Variants in ARHGEF28 observed in about 807,000 individuals in gnomAD.
ARHGEF28 encodes the protein 190 kDa guanine nucleotide exchange factor.
Under a neutral mutation model 206.6 loss-of-function variants are expected in ARHGEF28, and 152 were observed. That is an observed-to-expected ratio of 0.74 (90% CI 0.64 to 0.84). ARHGEF28 has a LOEUF of 0.84. ARHGEF28 is among the 40% of genes least tolerant of loss of function. ARHGEF28 has a pLI of 0.00. For synonymous variants in ARHGEF28, 763 were observed against 776.4 expected, an observed-to-expected ratio of 0.98 and a Z score of 0.29; for missense variants, 2,028 against 2,073.2, an observed-to-expected ratio of 0.98 and a Z score of 0.42.
intron 22 of ARHGEF28, among the ~76,000 whole-genome samples, chr5:73,880,498 A>G (rs568654815): frequency 9.5e-4 from 145 of 152,346 alleles, no homozygotes; most frequent in Middle Eastern, 6.8e-3. Flanking sequence ...ATGGAAATGC[A>G]GAAATCACCC....
chr5:73,839,141 C>T (rs762741434), intron 10 of ARHGEF28, among the ~76,000 whole-genome samples: 1 of 152,142 alleles, frequency 6.6e-6, no homozygotes, highest in Non-Finnish European at 1.5e-5. Flanking sequence ...GGGTGCTTCT[C>T]AGTGAGTTGT....
chr5:73,633,289 C>G (rs1045860418), intron 1 of ARHGEF28, among the ~76,000 whole-genome samples: 2 of 152,168 alleles, frequency 1.3e-5, no homozygotes, highest in Admixed American at 6.5e-5. Flanking sequence ...TCTTTGGCCC[C>G]AGGGGTTGGG....
At chr5:73,632,635 A>T (rs915983632) in intron 1 of ARHGEF28, among the ~76,000 whole-genome samples, 1 of 152,156 alleles carries the variant, frequency 6.6e-6, no homozygotes. Flanking sequence ...TATATATCCT[A>T]CCTTCAAGTC....
intron 35 of ARHGEF28, among the ~76,000 whole-genome samples, chr5:73,931,479 AC>A (rs1764114933): frequency 6.6e-6 from 1 of 151,728 alleles, no homozygotes; most frequent in South Asian, 2.1e-4. Context: ...TGGAAATTGG[AC>A]CTTTTATATC....
chr5:73,832,569 C>A, intron 10 of ARHGEF28, 110 bp downstream of exon 10: 2 of 1,410,244 alleles, frequency 1.4e-6, no homozygotes, highest in South Asian at 1.4e-5. Context: ...AGCCTAAGAG[C>A]AGCAAAGAGG....
At chr5:73,686,932 A>G (rs1167021658) in intron 2 of ARHGEF28, among the ~76,000 whole-genome samples, 1 of 152,208 alleles carries the variant, frequency 6.6e-6, no homozygotes, top group Non-Finnish European at 1.5e-5. Flanking sequence ...TAATGTTATT[A>G]TATTAAAATA....
intron 2 of ARHGEF28, among the ~76,000 whole-genome samples, chr5:73,715,322 G>A (rs1467196112): frequency 6.6e-6 from 1 of 152,158 alleles, no homozygotes; most frequent in Non-Finnish European, 1.5e-5. Context: ...CCACTACCAT[G>A]AATAAGCTCT....
At chr5:73,748,102 C>A (rs1751830259) in intron 2 of ARHGEF28, among the ~76,000 whole-genome samples, 1 of 152,138 alleles carries the variant, frequency 6.6e-6, no homozygotes, top group African/African-American at 2.4e-5. Flanking sequence ...AAACCAGGAA[C>A]ATGACTAAAG....
chr5:73,913,703 T>G (rs1260691040), intron 35 of ARHGEF28, among the ~76,000 whole-genome samples: 1 of 152,226 alleles, frequency 6.6e-6, no homozygotes, highest in East Asian at 1.9e-4. Context: ...TTCTGTGTTT[T>G]GCTGCTGAAT....
chr5:73,650,222 C>T (rs1053727313), intron 1 of ARHGEF28, among the ~76,000 whole-genome samples: 1 of 149,418 alleles, frequency 6.7e-6, no homozygotes, highest in Non-Finnish European at 1.5e-5. Context: ...AAGTAATCCA[C>T]TTATAGGCAT....
At chr5:73,834,239 G>A (rs988399128) in intron 10 of ARHGEF28, among the ~76,000 whole-genome samples, 2 of 152,094 alleles carry the variant, frequency 1.3e-5, no homozygotes, top group African/African-American at 4.8e-5. Flanking sequence ...AGTACAAAGT[G>A]CATTATTAAC....
At chr5:73,840,213 C>T (rs1233368902) in intron 10 of ARHGEF28, among the ~76,000 whole-genome samples, 2 of 152,142 alleles carry the variant, frequency 1.3e-5, no homozygotes, top group Non-Finnish European at 2.9e-5. Flanking sequence ...GCCTCCCATT[C>T]AGGCCATTCT....
intron 9 of ARHGEF28, among the ~76,000 whole-genome samples, chr5:73,830,560 GA>G (rs57559151): frequency 0.73 from 93,623 of 127,664 alleles, 32,472 homozygotes; most frequent in East Asian, 0.85. Context: ...CTCAAAAAAA[GA>G]AAAAAAAAAA....
chr5:73,886,521 G>A (rs1432112840), intron 25 of ARHGEF28, among the ~76,000 whole-genome samples: 1 of 152,226 alleles, frequency 6.6e-6, no homozygotes, highest in Non-Finnish European at 1.5e-5. Flanking sequence ...AACTCTGAAT[G>A]TCATCTTTGT....
intron 35 of ARHGEF28, among the ~76,000 whole-genome samples, chr5:73,917,198 G>A (rs1210594485): frequency 6.6e-6 from 1 of 152,154 alleles, no homozygotes; most frequent in Non-Finnish European, 1.5e-5. Flanking sequence ...AAGCTGAAGG[G>A]CTGAAGACAT....
rs900384120 is a variant in ARHGEF28, at chr5:73,795,592, A to T, written c.1024+201A>T. 6.1e-6 allele frequency: 3 copies of T among 493,912 alleles called. No individual in the cohort carries two copies. The East Asian group carries it at 9.8e-5, about 16-fold the overall frequency. 30.6% of individuals were successfully genotyped at this position (493,912 alleles called of 1,614,324 possible). A position where few individuals can be genotyped will look rare whatever the true frequency, so the allele number is the denominator to read the frequency against. The stretch of plus-strand genomic sequence containing the variant: ...GAGGTTGAGACTCCATTTACAATCT[A>T]AAAAACAAGGCAATCAAAGCTTTTC... On this transcript the variant is annotated intron_variant, in intron 9 of 35. Transcript: ENST00000513042.
At position 73,898,061 on chromosome 5, in the gene ARHGEF28, G is replaced by C; in HGVS notation, c.3941G>C (p.Ser1314Thr). The change falls in exon 30 of 36, where the codon AGT (serine) becomes ACT (threonine). Residue 1314 changes from serine to threonine, a missense_variant. Coordinates refer to ENST00000513042, the MANE Select transcript of ARHGEF28 (RefSeq NM_001177693.2). Reference sequence around the variant, plus strand: ...GACTCTGTCTTGGCGGACACACTCAGTTCTCATGATGTACCAGGATCACCG... The same window carrying C: ...GACTCTGTCTTGGCGGACACACTCACTTCTCATGATGTACCAGGATCACCG... ...CGDSVLADTLSSHDVPGSPTA... is the reference protein window; with the variant it reads ...CGDSVLADTLTSHDVPGSPTA... 6.2e-7 allele frequency: 1 copy of C among 1,612,238 alleles called. No homozygotes were observed. The highest frequency in any genetic ancestry group is 8.5e-7 in the Non-Finnish European group (1 of 1,179,230).
In ARHGEF28 at chr5:73,748,712, C is replaced by A. The variant is rs34513187; in HGVS notation, c.34-1125C>A. Among the ~76,000 whole-genome samples the A allele has an allele frequency of 4.0e-3, 607 of 152,250 alleles. 3 individuals carry two copies. The highest frequency in any genetic ancestry group is 7.5e-3 in the Non-Finnish European group (510 of 68,018). The stretch of plus-strand genomic sequence containing the variant: ...GCCCAGATGCTTCTCCACGCAGGGC[C>A]GAGCTCTGGAAGCCCTCCAAAGTGG... On this transcript the variant is annotated intron_variant, in intron 2 of 35. Coordinates refer to ENST00000513042, the MANE Select transcript of ARHGEF28 (RefSeq NM_001177693.2).
chr5:73,644,346 A>T (rs1744302930), intron 1 of ARHGEF28, among the ~76,000 whole-genome samples: 1 of 152,120 alleles, frequency 6.6e-6, no homozygotes, highest in Admixed American at 6.6e-5. Context: ...AGATTTTACC[A>T]TTTCTCTGGG....
Sources: gnomAD v4.1 joint callset for allele counts (sites outside exome capture counted in the v4.1 genomes callset) on GRCh38, gnomAD v4.1.1 for gene constraint, MANE v1.5 for transcripts, NCBI Gene and HGNC (gene_info 2026-07-23, HGNC 2026-07-21) for gene names.